Variants in CLASP2 observed in about 807,000 individuals in gnomAD.
CLASP2 encodes the protein cytoplasmic linker associated protein 2.
CLASP2 carries 47 observed loss-of-function variants against 194.4 expected under a neutral mutation model. That is an observed-to-expected ratio of 0.24 (90% confidence interval 0.19 to 0.31). The LOEUF (loss-of-function observed/expected upper bound fraction) is 0.31. CLASP2 is among the 10% of genes least tolerant of loss of function. CLASP2 has a pLI of 1.00. For missense variants in CLASP2, 1,445 were observed against 1,823.6 expected, an observed-to-expected ratio of 0.79 and a Z score of 3.78; for synonymous variants, 619 against 633.5, an observed-to-expected ratio of 0.98 and a Z score of 0.34.
At chr3:33,584,184 A>G (rs1560154424) in intron 22 of CLASP2, among the ~76,000 whole-genome samples, 6 of 152,156 alleles carry the variant, frequency 3.9e-5, no homozygotes. Flanking sequence ...ATATGTGATA[A>G]ATATGTTATA....
chr3:33,686,079 C>T (rs1032663226), intron 5 of CLASP2, among the ~76,000 whole-genome samples: 6 of 152,034 alleles, frequency 3.9e-5, no homozygotes, highest in African/African-American at 1.2e-4. Flanking sequence ...GCTCTAGTTC[C>T]CTTGCACAGC....
At position 33,501,776 on chromosome 3, in the gene CLASP2, G is replaced by A. The variant is rs1427898399; in HGVS notation, c.4318-8C>T. 4 of 1,587,958 alleles carry A rather than the reference G, an allele frequency of 2.5e-6. No individual in the cohort carries two copies. The highest frequency in any genetic ancestry group is 3.5e-6 in the Non-Finnish European group (4 of 1,156,786). ...CTCTGAATTATCATAACCCTACGGA[G>A]AGAAGTCCACTGTTAGTACTCCAGA... On this transcript the variant is annotated splice_polypyrimidine_tract_variant and splice_region_variant and intron_variant, in intron 37 of 38. Transcript: ENST00000682230.
chr3:33,657,452 GTAT>G (rs2084462199), intron 7 of CLASP2, among the ~76,000 whole-genome samples: 1 of 151,822 alleles, frequency 6.6e-6, no homozygotes, highest in African/African-American at 2.4e-5. Context: ...CAAATGTTAT[GTAT>G]TATTTGAAAA....
chr3:33,534,216 A>C (rs1391169950), intron 34 of CLASP2, among the ~76,000 whole-genome samples: 1 of 152,152 alleles, frequency 6.6e-6, no homozygotes, highest in Non-Finnish European at 1.5e-5. Flanking sequence ...TAGAATCTTA[A>C]GAAAAGTATT....
intron 7 of CLASP2, among the ~76,000 whole-genome samples, chr3:33,646,463 C>T (rs928283708): frequency 3.9e-5 from 6 of 151,900 alleles, no homozygotes; most frequent in African/African-American, 9.7e-5. Flanking sequence ...AGTACATAGA[C>T]GGCTTTGTTA....
chr3:33,680,942 T>C (rs914509505), intron 6 of CLASP2, among the ~76,000 whole-genome samples: 1 of 151,810 alleles, frequency 6.6e-6, no homozygotes, highest in Non-Finnish European at 1.5e-5. Flanking sequence ...CTGACCAACA[T>C]GGCGAAACCC....
At chr3:33,515,293 C>T (rs2050989667) in intron 36 of CLASP2, among the ~76,000 whole-genome samples, 1 of 152,026 alleles carries the variant, frequency 6.6e-6, no homozygotes, top group Non-Finnish European at 1.5e-5. Flanking sequence ...TAATCGATGT[C>T]ACTGGTGAAG....
chr3:33,566,283 C>T (rs1201788157), intron 27 of CLASP2, among the ~76,000 whole-genome samples: 2 of 152,178 alleles, frequency 1.3e-5, no homozygotes, highest in Middle Eastern at 3.4e-3. Flanking sequence ...TATGGAATGA[C>T]ATTAATAAAA....
intron 2 of CLASP2, 121 bp downstream of exon 2, chr3:33,696,734 G>A (rs933681555): frequency 1.3e-6 from 1 of 749,272 alleles, no homozygotes; most frequent in Non-Finnish European, 2.3e-6. Context: ...CCAAAGTGCT[G>A]GGATTACAGA....
intron 34 of CLASP2, among the ~76,000 whole-genome samples, chr3:33,533,054 G>A (rs1202048782): frequency 1.3e-5 from 2 of 152,146 alleles, no homozygotes; most frequent in Admixed American, 6.5e-5. Context: ...CATATTTATA[G>A]TACAATCAAG....
chr3:33,498,306 T>A lies in CLASP2; in HGVS notation c.*325A>T, dbSNP rs1369006974. On this transcript the variant is annotated 3_prime_UTR_variant, in exon 39 of 39. Transcript: ENST00000682230. ...CCTGTTTAACCAGCATTTAAAAAAA[T>A]TTATACAATCATAACACTGGCAAAG... The A allele has an allele frequency of 2.6e-5, 5 of 195,346 alleles. No individual in the cohort carries two copies. Among genetic ancestry groups the A allele is most frequent in the South Asian group, 1.9e-4 (1 of 5,376 alleles). The allele number at this position is 195,346 out of a possible 1,614,324, so 12.1% of individuals were successfully genotyped here. A position where few individuals can be genotyped will look rare whatever the true frequency, so the allele number is the denominator to read the frequency against.
chr3:33,619,488 C>T, intron 12 of CLASP2, 115 bp downstream of exon 12: 1 of 910,796 alleles, frequency 1.1e-6, no homozygotes, highest in Non-Finnish European at 1.5e-6. Context: ...AAAGAAACTC[C>T]ATGACTTACA....
chr3:33,645,221 C>T, intron 7 of CLASP2: 1 of 764,218 alleles, frequency 1.3e-6, no homozygotes, highest in East Asian at 2.4e-5. Flanking sequence ...GCCAGCTCCT[C>T]CCATAGTGTA....
rs146851361 is a variant in CLASP2 at position 33,518,578 on chromosome 3, T to C, written c.3788-1404A>G. 4.1e-3 allele frequency among the ~76,000 whole-genome samples: 632 copies of C among 152,346 alleles called. 1 individual carries two copies. The highest frequency in any genetic ancestry group is 0.01 in the Middle Eastern group (3 of 294). ...AGAACTATTGCCAGCAGGATGAATG[T>C]GTCTCTATAAACCCCACAAAAAATC... On this transcript the variant is annotated intron_variant, in intron 34 of 38. Transcript: ENST00000682230.
intron 1 of CLASP2, among the ~76,000 whole-genome samples, chr3:33,708,141 T>C (rs1273015985): frequency 6.6e-6 from 1 of 152,142 alleles, no homozygotes; most frequent in Non-Finnish European, 1.5e-5. Flanking sequence ...ATAGTCACCA[T>C]ACTGTGCATT....
chr3:33,508,772 A>G (rs766712719), intron 37 of CLASP2, among the ~76,000 whole-genome samples: 1 of 152,240 alleles, frequency 6.6e-6, no homozygotes, highest in Non-Finnish European at 1.5e-5. Context: ...TTATTAACCA[A>G]TTTTGGGAAT....
chr3:33,693,378 A>G (rs1487830219), intron 2 of CLASP2, among the ~76,000 whole-genome samples: 1 of 152,192 alleles, frequency 6.6e-6, no homozygotes, highest in Non-Finnish European at 1.5e-5. Flanking sequence ...CAAGTTATAT[A>G]TATCTACAGT....
chr3:33,520,324 A>G (rs1225940883), intron 34 of CLASP2, among the ~76,000 whole-genome samples: 1 of 152,242 alleles, frequency 6.6e-6, no homozygotes, highest in African/African-American at 2.4e-5. Flanking sequence ...GTCTCTTGAC[A>G]TGAGAAGCTG....
intron 26 of CLASP2, among the ~76,000 whole-genome samples, chr3:33,568,951 C>T (rs1185523932): frequency 1.3e-5 from 2 of 152,204 alleles, no homozygotes; most frequent in East Asian, 3.9e-4. Flanking sequence ...GTCTAGTATC[C>T]TTAATGAATT....
Sources: gnomAD v4.1 joint callset for allele counts (sites outside exome capture counted in the v4.1 genomes callset) on GRCh38, gnomAD v4.1.1 for gene constraint, MANE v1.5 for transcripts, NCBI Gene and HGNC (gene_info 2026-07-23, HGNC 2026-07-21) for gene names.